STIM2: variants seen among roughly 807,000 people sequenced by gnomAD.
STIM2 encodes stromal interaction molecule 2.
In STIM2, 31 loss-of-function variants were observed where a neutral mutation model predicts 85.8. The observed-to-expected ratio is 0.36, with a 90% CI of 0.27 to 0.49. The LOEUF (loss-of-function observed/expected upper bound fraction) is 0.49, where lower values mean the gene tolerates loss of function less well. Ranked by LOEUF, STIM2 falls within the 20% of genes least tolerant of loss-of-function variation. STIM2 has a pLI of 0.98. For synonymous variants in STIM2, 356 were observed against 331.1 expected, an observed-to-expected ratio of 1.08 and a Z score of -0.82; for missense variants, 841 against 927.6, an observed-to-expected ratio of 0.91 and a Z score of 1.21.
intron 1 of STIM2, among the ~76,000 whole-genome samples, chr4:26,916,798 T>C (rs902169167): frequency 5.3e-5 from 8 of 152,154 alleles, no homozygotes; most frequent in African/African-American, 1.9e-4. Context: ...TGTTCTCTCT[T>C]CTCAAGGTTG....
Position 26,861,278 on chromosome 4 carries a change from G to A in STIM2, c.60G>A (p.Arg20=). The stretch of plus-strand genomic sequence containing the variant: ...CGGACGGATGCGAGCTTGTGCCCCG[G>A]CACCTCCGCGGGCGGCGGGCGACTG... The change falls in exon 1 of 12, where the codon CGG becomes CGA. Residue 20 remains arginine (R), a synonymous_variant. Coordinates refer to ENST00000467087, the MANE Select transcript of STIM2 (RefSeq NM_020860.4). 6.8e-7 allele frequency: 1 copy of A among 1,462,626 alleles called. No homozygotes were observed. The highest frequency in any genetic ancestry group is 9.0e-7 in the Non-Finnish European group (1 of 1,111,908). The allele number at this position is 1,462,626 out of a possible 1,614,324, so 90.6% of individuals were successfully genotyped here.
At chr4:26,922,529 A>G (rs1275997250) in intron 2 of STIM2, among the ~76,000 whole-genome samples, 1 of 152,170 alleles carries the variant, frequency 6.6e-6, no homozygotes, top group Non-Finnish European at 1.5e-5. Flanking sequence ...CAACTCAGGA[A>G]CATCCAAATA....
At chr4:26,914,638 T>C (rs1724465565) in intron 1 of STIM2, among the ~76,000 whole-genome samples, 1 of 152,244 alleles carries the variant, frequency 6.6e-6, no homozygotes, top group Admixed American at 6.5e-5. Flanking sequence ...TGGCTTCTAA[T>C]ATTTACATAT....
chr4:26,919,376 G>A (rs754895670), intron 1 of STIM2, 128 bp from the exon 2 acceptor site: 7 of 1,182,114 alleles, frequency 5.9e-6, no homozygotes, highest in South Asian at 2.8e-5. Context: ...TCTGTTAGAC[G>A]TTTTAAAGTC....
intron 3 of STIM2, among the ~76,000 whole-genome samples, chr4:26,979,498 G>A (rs910491251): frequency 1.3e-5 from 2 of 152,146 alleles, no homozygotes; most frequent in Non-Finnish European, 2.9e-5. Context: ...TTTTTGCAGT[G>A]CCATGTCTTC....
chr4:26,864,210 A>G lies in STIM2; in HGVS notation c.151+2841A>G, dbSNP rs367554084. On this transcript the variant is annotated intron_variant, in intron 1 of 11. Coordinates refer to ENST00000467087, the MANE Select transcript of STIM2 (RefSeq NM_020860.4). ...AAATGTTTTTGGTGAGACAGAACCA[A>G]TATTCATAACATTATATAGTAAGGG... Among the ~76,000 whole-genome samples, 32 of 152,226 alleles carry G rather than the reference A, an allele frequency of 2.1e-4. No individual in the cohort carries two copies. The Middle Eastern group carries it at 0.02, about 97-fold the overall frequency.
intron 2 of STIM2, among the ~76,000 whole-genome samples, chr4:26,954,794 C>T (rs1726182415): frequency 6.8e-6 from 1 of 147,750 alleles, no homozygotes; most frequent in East Asian, 1.9e-4. Flanking sequence ...GGTTTCTAGT[C>T]ACATTCCGTG....
chr4:26,977,042 A>T (rs908702996), intron 3 of STIM2, among the ~76,000 whole-genome samples: 3 of 152,216 alleles, frequency 2.0e-5, no homozygotes, highest in Non-Finnish European at 4.4e-5. Flanking sequence ...TAGTGAGCAG[A>T]TGGAACAAGG....
At chr4:26,882,636 A>AT (rs1723055851) in intron 1 of STIM2, among the ~76,000 whole-genome samples, 3 of 148,090 alleles carry the variant, frequency 2.0e-5, no homozygotes, top group East Asian at 4.1e-4. Flanking sequence ...TAATTTTTGT[A>AT]TTTTTTGTAG....
At chr4:26,892,719 A>G (rs1723542616) in intron 1 of STIM2, among the ~76,000 whole-genome samples, 1 of 152,204 alleles carries the variant, frequency 6.6e-6, no homozygotes. Context: ...AAAGTTGATC[A>G]AGGTCTCTGG....
intron 3 of STIM2, among the ~76,000 whole-genome samples, chr4:26,976,933 C>T (rs1727224255): frequency 6.6e-6 from 1 of 152,154 alleles, no homozygotes; most frequent in Non-Finnish European, 1.5e-5. Flanking sequence ...AGACAGTGAA[C>T]AAGTTTGCAT....
In STIM2 at chr4:27,025,314, A is replaced by G. The variant is rs1729049807; in HGVS notation, c.*2318A>G. 6.6e-6 allele frequency: 1 copy of G among 151,690 alleles called. No individual in the cohort carries two copies. Among genetic ancestry groups the G allele is most frequent in the East Asian group, 1.9e-4 (1 of 5,162 alleles). The allele number at this position is 151,690 out of a possible 1,614,324, so 9.4% of individuals were successfully genotyped here. A position where few individuals can be genotyped will look rare whatever the true frequency, so the allele number is the denominator to read the frequency against. On this transcript the variant is annotated 3_prime_UTR_variant, in exon 12 of 12. Coordinates refer to ENST00000467087, the MANE Select transcript of STIM2 (RefSeq NM_020860.4). ...TTTCTGTAAGTTTTTAAAATTATCC[A>G]TTTGTTACTTTAACATTTTAAAATT...
rs552256120 is a variant in STIM2, at chr4:26,908,731, G to A, written c.152-10773G>A. ...ACTTCTGACCTCAAGTGATCCACCC[G>A]TCTCGGCCTCCCAAGGTGTTGGGAT... On this transcript the variant is annotated intron_variant, in intron 1 of 11. Transcript: ENST00000467087. Among the ~76,000 whole-genome samples, 11 of 152,280 alleles carry A rather than the reference G, an allele frequency of 7.2e-5. No homozygotes were observed. In the South Asian group the frequency reaches 1.0e-3, roughly 14 times the overall value.
chr4:26,902,213 T>C (rs1224712533), intron 1 of STIM2, among the ~76,000 whole-genome samples: 2 of 152,114 alleles, frequency 1.3e-5, no homozygotes, highest in Non-Finnish European at 2.9e-5. Context: ...GGAGAAGGGA[T>C]GAGGTTGTTT....
At chr4:27,002,883 C>A in intron 6 of STIM2, 44 bp from the exon 7 acceptor site, 5 of 1,438,278 alleles carry the variant, frequency 3.5e-6, no homozygotes, top group East Asian at 5.3e-5. Context: ...AAAAATAAAA[C>A]TGGAAATTTT....
At chr4:26,977,045 G>A (rs940280139) in intron 3 of STIM2, among the ~76,000 whole-genome samples, 2 of 152,202 alleles carry the variant, frequency 1.3e-5, no homozygotes, top group Admixed American at 6.5e-5. Flanking sequence ...TGAGCAGATG[G>A]AACAAGGGCT....
intron 1 of STIM2, among the ~76,000 whole-genome samples, chr4:26,883,999 G>A (rs573641817): frequency 2.4e-4 from 37 of 152,186 alleles, no homozygotes; most frequent in Non-Finnish European, 5.1e-4. Flanking sequence ...ACAAATGGAT[G>A]AGCCTCTCAG....
rs770090072 is a variant in STIM2 at position 26,891,564 on chromosome 4, C to A, written c.152-27940C>A. On this transcript the variant is annotated intron_variant, in intron 1 of 11. Transcript: ENST00000467087. ...AGATATGTGTATACATACATACACA[C>A]ACACACACACACACACACACACACA... Among the ~76,000 whole-genome samples the A allele has an allele frequency of 8.0e-5, 4 of 50,186 alleles. No homozygotes were observed. In the South Asian group the frequency reaches 2.4e-3, roughly 30 times the overall value. The allele number at this position is 50,186 out of a possible 152,430, so 32.9% of individuals were successfully genotyped here. A position where few individuals can be genotyped will look rare whatever the true frequency, so the allele number is the denominator to read the frequency against.
intron 4 of STIM2, among the ~76,000 whole-genome samples, chr4:26,996,860 A>G (rs1033648993): frequency 2.6e-5 from 4 of 152,178 alleles, no homozygotes; most frequent in African/African-American, 9.6e-5. Context: ...TTTAACAACA[A>G]CATGAAATAA....
Sources: gnomAD v4.1 joint callset for allele counts (sites outside exome capture counted in the v4.1 genomes callset) on GRCh38, gnomAD v4.1.1 for gene constraint, MANE v1.5 for transcripts, NCBI Gene and HGNC (gene_info 2026-07-23, HGNC 2026-07-21) for gene names.